Variants in DGKG observed in about 807,000 individuals in gnomAD.
The protein encoded by DGKG is DAG kinase gamma.
In DGKG, 78 loss-of-function variants were observed where a neutral mutation model predicts 105.3. That is an observed-to-expected ratio of 0.74 (90% CI 0.62 to 0.89). The LOEUF is 0.89. Ranked by LOEUF, DGKG falls within the 40% of genes least tolerant of loss-of-function variation. DGKG has a pLI of 0.00. For synonymous variants in DGKG, 346 were observed against 367.1 expected (o/e 0.94, Z 0.66); for missense variants, 958 against 1,020.1 (o/e 0.94, Z 0.83).
chr3:186,303,511 G>A (rs1353248808), intron 3 of DGKG, among the ~76,000 whole-genome samples: 1 of 152,216 alleles, frequency 6.6e-6, no homozygotes, highest in East Asian at 1.9e-4. Flanking sequence ...GCAGGCATCC[G>A]GCACTTTCAT....
At chr3:186,325,728 T>C (rs1394321606) in intron 1 of DGKG, among the ~76,000 whole-genome samples, 1 of 151,562 alleles carries the variant, frequency 6.6e-6, no homozygotes, top group Non-Finnish European at 1.5e-5. Flanking sequence ...TATATGTGTG[T>C]ATAAAAACTG....
intron 21 of DGKG, among the ~76,000 whole-genome samples, chr3:186,208,900 T>G (rs1718880338): frequency 6.6e-6 from 1 of 152,186 alleles, no homozygotes; most frequent in South Asian, 2.1e-4. Flanking sequence ...AGACCTGGAA[T>G]CTTCTCTCTT....
intron 20 of DGKG, among the ~76,000 whole-genome samples, chr3:186,224,211 A>C (rs781644397): frequency 2.6e-5 from 4 of 152,160 alleles, no homozygotes; most frequent in African/African-American, 9.7e-5. Flanking sequence ...TAAGCTCCCA[A>C]TTCCTTGCCA....
chr3:186,292,343 T>G (rs974554449), intron 5 of DGKG, among the ~76,000 whole-genome samples: 1 of 152,210 alleles, frequency 6.6e-6, no homozygotes, highest in Non-Finnish European at 1.5e-5. Context: ...ACACAAAGTA[T>G]GTGTGTGTGA....
rs1008401229 is a variant in DGKG at position 186,272,852 on chromosome 3, G to A, written c.911-509C>T. ...TCCTGCCTCAGCCTCCCGAGTTGCT[G>A]GGATTACAGGCGTTACAGGCGTGCA... On this transcript the variant is annotated intron_variant, in intron 10 of 24. Transcript: ENST00000265022. Among the ~76,000 whole-genome samples the A allele has an allele frequency of 2.0e-5, 3 of 152,134 alleles. No homozygotes were observed. The South Asian group carries it at 6.2e-4, about 32-fold the overall frequency.
chr3:186,321,326 T>A (rs576135086), intron 1 of DGKG, among the ~76,000 whole-genome samples: 51 of 152,288 alleles, frequency 3.3e-4, no homozygotes, highest in African/African-American at 1.2e-3. Context: ...ATTGATGTAA[T>A]GAGTCACAAC....
At chr3:186,323,714 A>T (rs1219459757) in intron 1 of DGKG, among the ~76,000 whole-genome samples, 1 of 152,112 alleles carries the variant, frequency 6.6e-6, no homozygotes, top group African/African-American at 2.4e-5. Flanking sequence ...AGACGGGCGG[A>T]TCACAAGGTC....
At position 186,297,633 on chromosome 3, in the gene DGKG, G is replaced by A. The variant is rs1053808193; in HGVS notation, c.311-150C>T. 4 of 641,712 alleles carry A rather than the reference G, an allele frequency of 6.2e-6. No homozygotes were observed. The Admixed American group carries it at 1.1e-4, about 17-fold the overall frequency. 39.8% of individuals were successfully genotyped at this position (641,712 alleles called of 1,614,324 possible). ...CAGCTGGGTTCATGCTCGCTTATTG[G>A]GATTGGCTGTGTCTCCCCCATTATA... is the stretch of plus-strand genomic sequence containing the variant. On this transcript the variant is annotated intron_variant, in intron 4 of 24. Transcript: ENST00000265022.
chr3:186,287,987 G>A (rs1383945547), intron 6 of DGKG, among the ~76,000 whole-genome samples: 1 of 152,182 alleles, frequency 6.6e-6, no homozygotes, highest in Non-Finnish European at 1.5e-5. Flanking sequence ...TTTTTTAGAA[G>A]TATGTCTGTA....
At chr3:186,159,012 T>C in intron 24 of DGKG, 2 of 253,102 alleles carry the variant, frequency 7.9e-6, no homozygotes, top group Non-Finnish European at 1.2e-5. Context: ...TATACGTATG[T>C]ATAACCTTTC....
chr3:186,255,164 C>A (rs1001297108), intron 17 of DGKG, among the ~76,000 whole-genome samples: 1 of 152,294 alleles, frequency 6.6e-6, no homozygotes, highest in East Asian at 1.9e-4. Flanking sequence ...TTGTAACCTC[C>A]CCGAGGGGGA....
intron 7 of DGKG, among the ~76,000 whole-genome samples, chr3:186,282,389 T>G (rs1446477353): frequency 6.6e-6 from 1 of 152,252 alleles, no homozygotes; most frequent in Admixed American, 6.5e-5. Flanking sequence ...ATAACTCTTT[T>G]GAGATTTGCT....
chr3:186,258,385 C>A (rs1489153816), intron 16 of DGKG, among the ~76,000 whole-genome samples: 1 of 152,146 alleles, frequency 6.6e-6, no homozygotes, highest in Admixed American at 6.5e-5. Flanking sequence ...TGGAGTGATG[C>A]CCTTCTCTTC....
chr3:186,192,776 G>A (rs1406990083), intron 21 of DGKG, among the ~76,000 whole-genome samples: 1 of 152,134 alleles, frequency 6.6e-6, no homozygotes, highest in Non-Finnish European at 1.5e-5. Flanking sequence ...TCCCACTACT[G>A]CTCTATCTTA....
chr3:186,172,190 A>C (rs1198660317), intron 22 of DGKG, among the ~76,000 whole-genome samples: 1 of 152,178 alleles, frequency 6.6e-6, no homozygotes, highest in East Asian at 1.9e-4. Context: ...TCAATCATTT[A>C]AGAGGCAGGG....
intron 1 of DGKG, among the ~76,000 whole-genome samples, chr3:186,344,911 G>C (rs946882400): frequency 4.0e-5 from 6 of 151,894 alleles, no homozygotes; most frequent in African/African-American, 1.5e-4. Context: ...TATGTGCTTT[G>C]GATATTACGC....
At chr3:186,341,859 C>G (rs1279122740) in intron 1 of DGKG, among the ~76,000 whole-genome samples, 8 of 152,132 alleles carry the variant, frequency 5.3e-5, no homozygotes, top group Non-Finnish European at 1.0e-4. Context: ...AGTTCATGTC[C>G]TTTGTAGGGA....
intron 3 of DGKG, among the ~76,000 whole-genome samples, chr3:186,306,433 G>T (rs577490883): frequency 1.3e-5 from 2 of 152,282 alleles, no homozygotes; most frequent in African/African-American, 4.8e-5. Flanking sequence ...GTCTGGGGAA[G>T]ATATGTTGCT....
chr3:186,306,075 C>T lies in DGKG; in HGVS notation c.144+826G>A, dbSNP rs116169922. 4.0e-3 allele frequency among the ~76,000 whole-genome samples: 611 copies of T among 152,244 alleles called. 4 individuals are homozygous for T. Among genetic ancestry groups the T allele is most frequent in the African/African-American group, 0.014 (586 of 41,532 alleles). ...TGTCCAGTGTTGTTGAGCAAAATTG[C>T]TATTGGATTTAGCCATAGGGAGGCC... On this transcript the variant is annotated intron_variant, in intron 3 of 24. Coordinates refer to ENST00000265022, the MANE Select transcript of DGKG (RefSeq NM_001346.3).
Sources: gnomAD v4.1 joint callset for allele counts (sites outside exome capture counted in the v4.1 genomes callset) on GRCh38, gnomAD v4.1.1 for gene constraint, MANE v1.5 for transcripts, NCBI Gene and HGNC (gene_info 2026-07-23, HGNC 2026-07-21) for gene names.